The following IMMP2L variants were observed in gnomAD, a reference collection of about 807,000 sequenced individuals.
The protein encoded by IMMP2L is mitochondrial inner membrane protease subunit 2.
IMMP2L carries 18 observed loss-of-function variants against 19.3 expected under a neutral mutation model. The ratio of observed to expected loss-of-function variants is 0.93; its 90% CI spans 0.64 to 1.38. The LOEUF (loss-of-function observed/expected upper bound fraction) is 1.38. Among genes scored for constraint, IMMP2L ranks in the 40% most tolerant of loss-of-function variants. IMMP2L has a pLI of 0.00. For synonymous variants in IMMP2L, 76 were observed against 73.0 expected (o/e 1.04, Z -0.21); for missense variants, 233 against 218.2 (o/e 1.07, Z -0.43).
chr7:110,991,149 TA>T (rs1303601709), intron 3 of IMMP2L, among the ~76,000 whole-genome samples: 1 of 152,170 alleles, frequency 6.6e-6, no homozygotes, highest in Non-Finnish European at 1.5e-5. Context: ...AGAAGATTAA[TA>T]AATGATAATG....
rs1399138943 is a variant in IMMP2L, at chr7:110,758,969, G to A, written c.409-95248C>T. Reference sequence around the variant, plus strand: ...GAGATCTTTTCACAGTCTGTTACCCGATTTTGTTAACCTTAAATTTCCTCC... The same window carrying A: ...GAGATCTTTTCACAGTCTGTTACCCAATTTTGTTAACCTTAAATTTCCTCC... On this transcript the variant is annotated intron_variant, in intron 5 of 5. Coordinates refer to ENST00000405709, the MANE Select transcript of IMMP2L (RefSeq NM_032549.4). This position sits in a 1 kb window ranked among gnomAD's most constrained non-coding sequence, Gnocchi z 4.6. Among the ~76,000 whole-genome samples the A allele has an allele frequency of 2.0e-5, 3 of 151,720 alleles. No homozygotes were observed. The highest frequency in any genetic ancestry group is 1.3e-4 in the Admixed American group (2 of 15,216).
chr7:111,547,955 C>G (rs1849089001), intron 1 of IMMP2L, among the ~76,000 whole-genome samples: 1 of 152,094 alleles, frequency 6.6e-6, no homozygotes, highest in East Asian at 1.9e-4. Flanking sequence ...CTCCCAGACT[C>G]AAGTGATCCT....
At chr7:110,949,207 A>C (rs1221292018) in intron 4 of IMMP2L, among the ~76,000 whole-genome samples, 1 of 152,150 alleles carries the variant, frequency 6.6e-6, no homozygotes, top group African/African-American at 2.4e-5. Flanking sequence ...ATATCTGTAC[A>C]TCATATATAT....
chr7:111,019,693 T>C (rs922009022), intron 3 of IMMP2L, among the ~76,000 whole-genome samples: 2 of 152,106 alleles, frequency 1.3e-5, no homozygotes, highest in Admixed American at 1.3e-4. Flanking sequence ...GTTAAAAACA[T>C]GTTGGAAGAG....
At chr7:111,398,664 C>T (rs776545922) in intron 3 of IMMP2L, among the ~76,000 whole-genome samples, 1 of 151,916 alleles carries the variant, frequency 6.6e-6, no homozygotes, top group African/African-American at 2.4e-5. Context: ...GCATCCAAAT[C>T]GGTAAAGAGG....
intron 3 of IMMP2L, among the ~76,000 whole-genome samples, chr7:111,059,196 C>A (rs898283876): frequency 6.6e-6 from 1 of 152,050 alleles, no homozygotes; most frequent in East Asian, 1.9e-4. Context: ...GTTGCCCAGG[C>A]TGGTCTCAAA....
intron 2 of IMMP2L, among the ~76,000 whole-genome samples, chr7:111,513,542 G>A (rs780470005): frequency 2.0e-5 from 3 of 152,038 alleles, no homozygotes; most frequent in Non-Finnish European, 2.9e-5. Context: ...ATGAAAAATA[G>A]GGATATATCT....
At chr7:111,030,904 A>G (rs745963694) in intron 3 of IMMP2L, among the ~76,000 whole-genome samples, 68,672 of 134,538 alleles carry the variant, frequency 0.51, 18,174 homozygotes, top group Non-Finnish European at 0.6. Flanking sequence ...ATATATATAT[A>G]TATATATATA....
intron 5 of IMMP2L, among the ~76,000 whole-genome samples, chr7:110,682,759 G>GAACTCTGTGCAAGAGTTCAGGCACA (rs1554393489): frequency 1.4e-4 from 22 of 152,238 alleles, no homozygotes; most frequent in South Asian, 4.1e-4. Flanking sequence ...GTTCAGGCAA[G>GAACTCTGTGCAAGAGTTCAGGCACA]GGTGTGAAGT....
intron 5 of IMMP2L, among the ~76,000 whole-genome samples, chr7:110,793,485 A>G (rs1800621397): frequency 6.6e-6 from 1 of 152,032 alleles, no homozygotes; most frequent in Non-Finnish European, 1.5e-5. Context: ...GTAACCAAAC[A>G]CCATCTCATC....
At chr7:111,272,950 T>C (rs558365434) in intron 3 of IMMP2L, among the ~76,000 whole-genome samples, 1 of 151,564 alleles carries the variant, frequency 6.6e-6, no homozygotes, top group African/African-American at 2.4e-5. Flanking sequence ...CTTGATAGAG[T>C]ATAAAGAACA....
At chr7:111,552,967 G>A (rs6963556) in intron 1 of IMMP2L, among the ~76,000 whole-genome samples, 121,312 of 152,088 alleles carry the variant, frequency 0.8, 50,181 homozygotes, top group East Asian at 0.97. Context: ...GGCCAGCCAA[G>A]TGAGTAAGCC....
chr7:111,218,967 C>T (rs1188555064), intron 3 of IMMP2L, among the ~76,000 whole-genome samples: 1 of 152,008 alleles, frequency 6.6e-6, no homozygotes, highest in Non-Finnish European at 1.5e-5. Context: ...AATACATCCA[C>T]AACTTAGAAT....
rs73718212 is a variant in IMMP2L at position 111,542,847 on chromosome 7, G to T, written c.-3+19004C>A. Among the ~76,000 whole-genome samples, 317 of 152,160 alleles carry T rather than the reference G, an allele frequency of 2.1e-3. 4 individuals are homozygous for T. The highest frequency in any genetic ancestry group is 7.2e-3 in the African/African-American group (299 of 41,538). On this transcript the variant is annotated intron_variant, in intron 1 of 5. Transcript: ENST00000405709. ...TCTTTAAACTTCACAATTACTGAAG[G>T]TCCTTATTATCTTGCTGTCATTTCA...
intron 4 of IMMP2L, among the ~76,000 whole-genome samples, chr7:110,941,774 C>T (rs755874738): frequency 6.6e-6 from 1 of 152,112 alleles, no homozygotes; most frequent in Non-Finnish European, 1.5e-5. Flanking sequence ...CAGAAGAACA[C>T]AAACGAAAAT....
At chr7:111,356,583 C>T (rs977620497) in intron 3 of IMMP2L, among the ~76,000 whole-genome samples, 17 of 152,028 alleles carry the variant, frequency 1.1e-4, no homozygotes, top group Non-Finnish European at 2.1e-4. Context: ...CCCAATTGTA[C>T]GCTTTTTAGT....
chr7:110,844,382 A>C (rs1805429569), intron 5 of IMMP2L, among the ~76,000 whole-genome samples: 1 of 152,100 alleles, frequency 6.6e-6, no homozygotes, highest in Non-Finnish European at 1.5e-5. Flanking sequence ...GTAAGGACAT[A>C]AGAGAGAAAA....
chr7:111,496,515 C>A (rs1470747993), intron 2 of IMMP2L, among the ~76,000 whole-genome samples: 1 of 152,138 alleles, frequency 6.6e-6, no homozygotes, highest in Non-Finnish European at 1.5e-5. Flanking sequence ...TCCACCCTCA[C>A]CCAACATGGG....
Position 110,924,198 on chromosome 7 carries a change from A to G in IMMP2L, c.306-37503T>C, listed in dbSNP as rs1814597026. ...TCAGCATGAAGCCAGGTTTGGGCCT[A>G]TAAGAACATAGACAGCACTGTTTCT... On this transcript the variant is annotated intron_variant, in intron 4 of 5. Transcript: ENST00000405709. This position sits in a 1 kb window ranked among gnomAD's most constrained non-coding sequence, Gnocchi z 4.2. Among the ~76,000 whole-genome samples, 1 of 152,232 alleles carries G rather than the reference A, an allele frequency of 6.6e-6. No homozygotes were observed. The highest frequency in any genetic ancestry group is 1.5e-5 in the Non-Finnish European group (1 of 68,044).
Sources: allele counts gnomAD v4.1 joint callset (sites outside exome capture counted in the v4.1 genomes callset), GRCh38; gene constraint gnomAD v4.1.1; non-coding constraint Gnocchi (gnomAD v3.1); transcripts MANE v1.5; gene names NCBI Gene and HGNC (gene_info 2026-07-23, HGNC 2026-07-21).